Variants in MTMR7 observed in about 807,000 individuals in gnomAD.
MTMR7 encodes the protein phosphatidylinositol-3-phosphate phosphatase MTMR7.
Under a neutral mutation model 81.2 loss-of-function variants are expected in MTMR7, and 76 were observed. That is an observed-to-expected ratio of 0.94 (90% CI 0.78 to 1.13). MTMR7 has a LOEUF of 1.13. Among genes scored for constraint, MTMR7 ranks in the 50% most tolerant of loss-of-function variants. The pLI is 0.00. For missense variants in MTMR7, 1,044 were observed against 820.0 expected (o/e 1.27, Z -3.34); for synonymous variants, 372 against 289.8 (o/e 1.28, Z -2.88).
intron 6 of MTMR7, among the ~76,000 whole-genome samples, chr8:17,337,956 CCTTTTT>C (rs1819299834): frequency 6.6e-6 from 1 of 152,182 alleles, no homozygotes. Flanking sequence ...AGCTCCTAAT[CCTTTTT>C]CTTTTTAATG....
intron 10 of MTMR7, 120 bp downstream of exon 10, chr8:17,309,157 T>C: frequency 1.5e-6 from 1 of 685,676 alleles, no homozygotes; most frequent in Non-Finnish European, 2.5e-6. Context: ...AAATTTAAGC[T>C]TTCTGAATAA....
chr8:17,403,230 C>G (rs953099763), intron 1 of MTMR7, among the ~76,000 whole-genome samples: 1 of 152,084 alleles, frequency 6.6e-6, no homozygotes, highest in Non-Finnish European at 1.5e-5. Context: ...GTTTCCTTTG[C>G]TGTGAAGAAG....
At chr8:17,350,246 G>C (rs1819686929) in intron 4 of MTMR7, among the ~76,000 whole-genome samples, 1 of 152,146 alleles carries the variant, frequency 6.6e-6, no homozygotes, top group African/African-American at 2.4e-5. Flanking sequence ...TCTAACAACA[G>C]GGGTGTACTA....
chr8:17,330,471 G>A (rs1470636488), intron 7 of MTMR7, among the ~76,000 whole-genome samples: 22 of 152,242 alleles, frequency 1.4e-4, no homozygotes, highest in African/African-American at 4.8e-4. Context: ...GTGATCACAA[G>A]GAGCAGAAGC....
chr8:17,374,616 T>C (rs1169152159), intron 1 of MTMR7, among the ~76,000 whole-genome samples: 8 of 149,528 alleles, frequency 5.4e-5, no homozygotes, highest in African/African-American at 2.0e-4. Context: ...TGAGACTCCA[T>C]CTCAAAATAA....
intron 4 of MTMR7, among the ~76,000 whole-genome samples, chr8:17,351,420 A>G (rs1819724629): frequency 1.3e-5 from 2 of 152,204 alleles, no homozygotes; most frequent in Non-Finnish European, 2.9e-5. Flanking sequence ...GAGAAAATCA[A>G]CACCCAGAGG....
chr8:17,409,756 G>C (rs1161113509), intron 1 of MTMR7, among the ~76,000 whole-genome samples: 2 of 152,204 alleles, frequency 1.3e-5, no homozygotes, highest in Non-Finnish European at 2.9e-5. Flanking sequence ...AGATGGGGGA[G>C]TTGGACAACA....
chr8:17,315,654 G>C (rs1263319489), intron 7 of MTMR7, among the ~76,000 whole-genome samples: 1 of 151,988 alleles, frequency 6.6e-6, no homozygotes, highest in Admixed American at 6.6e-5. Flanking sequence ...TTAAAAACAT[G>C]ATAATGTAAC....
At chr8:17,378,771 A>G (rs1053156948) in intron 1 of MTMR7, among the ~76,000 whole-genome samples, 1 of 152,252 alleles carries the variant, frequency 6.6e-6, no homozygotes, top group Admixed American at 6.5e-5. Context: ...ACTGATGTGT[A>G]AAAAGCTATT....
chr8:17,307,363 G>A lies in MTMR7; in HGVS notation c.1152-1406C>T, dbSNP rs550267297. 6.8e-4 allele frequency among the ~76,000 whole-genome samples: 104 copies of A among 152,228 alleles called. No homozygotes were observed. The South Asian group carries it at 0.011, about 16-fold the overall frequency. On this transcript the variant is annotated intron_variant, in intron 10 of 13. Coordinates refer to ENST00000180173, the MANE Select transcript of MTMR7 (RefSeq NM_004686.5). ...ACCATCTCACACCAGTTAGAATGGCGATCATTAAAAAGTCAGGAAACAACA... is the reference window on the plus strand; with the variant it reads ...ACCATCTCACACCAGTTAGAATGGCAATCATTAAAAAGTCAGGAAACAACA...
At chr8:17,369,489 T>TG in intron 3 of MTMR7, among the ~76,000 whole-genome samples, 1 of 152,276 alleles carries the variant, frequency 6.6e-6, no homozygotes, top group East Asian at 1.9e-4. Flanking sequence ...CTTCTTGTCC[T>TG]GAATCAAAAA....
intron 13 of MTMR7, among the ~76,000 whole-genome samples, chr8:17,301,176 AAG>A (rs1817083990): frequency 6.6e-6 from 1 of 152,240 alleles, no homozygotes; most frequent in South Asian, 2.1e-4. Context: ...GTGTGAGGAA[AAG>A]AGATAGATAA....
intron 6 of MTMR7, among the ~76,000 whole-genome samples, chr8:17,340,914 G>T (rs1819389715): frequency 6.6e-6 from 1 of 152,020 alleles, no homozygotes; most frequent in Non-Finnish European, 1.5e-5. Flanking sequence ...ATATTTTATA[G>T]TTCTTTCCAA....
intron 1 of MTMR7, among the ~76,000 whole-genome samples, chr8:17,386,918 C>T (rs1820960306): frequency 6.6e-6 from 1 of 152,160 alleles, no homozygotes; most frequent in African/African-American, 2.4e-5. Flanking sequence ...GACCAAAGCC[C>T]AGCACATCCT....
intron 1 of MTMR7, among the ~76,000 whole-genome samples, chr8:17,381,365 G>T (rs1199916274): frequency 6.6e-6 from 1 of 151,996 alleles, no homozygotes; most frequent in Non-Finnish European, 1.5e-5. Context: ...GCGTCAGGAA[G>T]ACCTCATAAA....
At chr8:17,334,572 G>C (rs1373530245) in intron 6 of MTMR7, among the ~76,000 whole-genome samples, 1 of 152,228 alleles carries the variant, frequency 6.6e-6, no homozygotes. Flanking sequence ...TTTGCTGTTT[G>C]ATAATATCAG....
At chr8:17,404,532 A>G (rs1270219265) in intron 1 of MTMR7, among the ~76,000 whole-genome samples, 1 of 147,702 alleles carries the variant, frequency 6.8e-6, no homozygotes, top group Non-Finnish European at 1.5e-5. Context: ...AAACAATTGC[A>G]AAAAATAAAT....
rs746509014 is a variant in MTMR7, at chr8:17,300,140, A to C, written c.1705T>G (p.Ser569Ala). The C allele has an allele frequency of 1.1e-5, 17 of 1,614,136 alleles. No homozygotes were observed. The South Asian group carries it at 1.9e-4, about 18-fold the overall frequency. Residue 569 changes from serine to alanine, a missense_variant, in exon 14 of 14, where the codon TCT becomes GCT. Ser to Ala is a moderately conservative substitution (Grantham distance 99). Transcript: ENST00000180173. Reference sequence around the variant, plus strand: ...TTGGCTATGCTGTTGTCTGAGGTAGAAAACCCTGAGTGCTTGCTGGGCTCA... The same window carrying C: ...TTGGCTATGCTGTTGTCTGAGGTAGCAAACCCTGAGTGCTTGCTGGGCTCA... Reference protein sequence around the residue: ...QSEPSKHSGFSTSDNSIANTP... With the variant: ...QSEPSKHSGFATSDNSIANTP...
intron 12 of MTMR7, among the ~76,000 whole-genome samples, chr8:17,303,854 C>T (rs998945135): frequency 6.6e-6 from 1 of 152,152 alleles, no homozygotes; most frequent in African/African-American, 2.4e-5. Context: ...GGGTGATCCA[C>T]CCGCCTCGGC....
Sources: gnomAD v4.1 joint callset for allele counts (sites outside exome capture counted in the v4.1 genomes callset) on GRCh38, gnomAD v4.1.1 for gene constraint, MANE v1.5 for transcripts, NCBI Gene and HGNC (gene_info 2026-07-23, HGNC 2026-07-21) for gene names.